CCSER1: variants seen among roughly 807,000 people sequenced by gnomAD.
CCSER1 encodes coiled-coil serine rich protein 1, also known as serine-rich coiled-coil domain-containing protein 1.
Under a neutral mutation model 82.0 loss-of-function variants are expected in CCSER1, and 41 were observed. The observed-to-expected ratio is 0.50, with a 90% confidence interval of 0.39 to 0.65. CCSER1 has a LOEUF of 0.65. Among genes scored for constraint, CCSER1 ranks in the 30% least tolerant of loss-of-function variants. The probability of loss-of-function intolerance (pLI) is 0.00; values close to 1 mark genes in which losing one functional copy is unlikely to be tolerated. For missense variants in CCSER1, 1,119 were observed against 1,064.2 expected, an observed-to-expected ratio of 1.05 and a Z score of -0.72; for synonymous variants, 414 against 383.9, an observed-to-expected ratio of 1.08 and a Z score of -0.92.
At chr4:90,310,817 G>A (rs1300295730) in intron 2 of CCSER1, among the ~76,000 whole-genome samples, 1 of 152,016 alleles carries the variant, frequency 6.6e-6, no homozygotes, top group Non-Finnish European at 1.5e-5. Context: ...GGATTATAAA[G>A]TTTATCCATA....
chr4:90,609,659 T>G (rs971365640), intron 5 of CCSER1, among the ~76,000 whole-genome samples: 4 of 152,182 alleles, frequency 2.6e-5, no homozygotes, highest in African/African-American at 7.2e-5. Flanking sequence ...CCAATTGAGA[T>G]ATTCATTAGG....
At chr4:90,371,901 AG>A (rs1450869573) in intron 3 of CCSER1, among the ~76,000 whole-genome samples, 1 of 152,216 alleles carries the variant, frequency 6.6e-6, no homozygotes, top group East Asian at 1.9e-4. Context: ...TAATTAATTT[AG>A]AACACTAATG....
At chr4:91,572,809 T>TAAA (rs568857955) in intron 10 of CCSER1, among the ~76,000 whole-genome samples, 1 of 115,482 alleles carries the variant, frequency 8.7e-6, no homozygotes, top group African/African-American at 3.2e-5. Context: ...TAAAAATCTA[T>TAAA]AAAAAAAAAA....
intron 8 of CCSER1, among the ~76,000 whole-genome samples, chr4:90,826,744 A>G (rs1760516084): frequency 6.6e-6 from 1 of 152,308 alleles, no homozygotes; most frequent in Admixed American, 6.5e-5. Context: ...AGATTTATAA[A>G]TTACAGAGAG....
In CCSER1 at chr4:90,304,583, A is replaced by G. The variant is rs892779166; in HGVS notation, c.-41-3661A>G. 6.6e-5 allele frequency among the ~76,000 whole-genome samples: 10 copies of G among 152,048 alleles called. No homozygotes were observed. The East Asian group carries it at 1.5e-3, about 24-fold the overall frequency. ...CAACACTGCATATTCTCACTCATAG[A>G]TGGGAATTGAACAATGAGAACACAT... On this transcript the variant is annotated intron_variant, in intron 1 of 10. Coordinates refer to ENST00000509176, the MANE Select transcript of CCSER1 (RefSeq NM_001145065.2).
chr4:90,134,599 A>T (rs1723347540), intron 1 of CCSER1, among the ~76,000 whole-genome samples: 1 of 152,254 alleles, frequency 6.6e-6, no homozygotes, highest in African/African-American at 2.4e-5. Flanking sequence ...GACATTAGAT[A>T]TTCCACTTCA....
At chr4:91,482,450 GC>G (rs1211571565) in intron 10 of CCSER1, among the ~76,000 whole-genome samples, 10 of 150,286 alleles carry the variant, frequency 6.7e-5, no homozygotes, top group Admixed American at 1.3e-4. Context: ...AACAACAGGT[GC>G]TGGAGAGGAT....
At chr4:90,138,931 A>G (rs1246420823) in intron 1 of CCSER1, among the ~76,000 whole-genome samples, 2 of 152,198 alleles carry the variant, frequency 1.3e-5, no homozygotes, top group African/African-American at 2.4e-5. Context: ...TCTTTCATTC[A>G]GTAAACAAAT....
intron 10 of CCSER1, among the ~76,000 whole-genome samples, chr4:91,597,603 AATTAGT>A (rs1764645205): frequency 6.6e-6 from 1 of 152,210 alleles, no homozygotes; most frequent in African/African-American, 2.4e-5. Flanking sequence ...TATTATGCCA[AATTAGT>A]AATATTAATA....
chr4:91,351,001 G>A (rs1241484253), intron 10 of CCSER1, among the ~76,000 whole-genome samples: 1 of 151,814 alleles, frequency 6.6e-6, no homozygotes, highest in African/African-American at 2.4e-5. Flanking sequence ...TTTAATTTGG[G>A]TCTTACATGC....
At chr4:90,754,825 A>C (rs139486261) in intron 7 of CCSER1, among the ~76,000 whole-genome samples, 1 of 152,308 alleles carries the variant, frequency 6.6e-6, no homozygotes, top group East Asian at 1.9e-4. Context: ...ACCCTATTGA[A>C]TTTAATCTTA....
At chr4:90,219,970 A>C (rs1351190276) in intron 1 of CCSER1, among the ~76,000 whole-genome samples, 1 of 152,200 alleles carries the variant, frequency 6.6e-6, no homozygotes, top group Admixed American at 6.5e-5. Flanking sequence ...TACTAAGACC[A>C]TGTACAGTAG....
At chr4:90,128,285 G>A (rs1425010641) in intron 1 of CCSER1, among the ~76,000 whole-genome samples, 2 of 152,042 alleles carry the variant, frequency 1.3e-5, no homozygotes, top group Non-Finnish European at 2.9e-5. Context: ...GCGGCGAAGA[G>A]GGGGAAGGGG....
chr4:90,168,757 G>C (rs1030688168), intron 1 of CCSER1, among the ~76,000 whole-genome samples: 15 of 143,162 alleles, frequency 1.0e-4, no homozygotes, highest in East Asian at 2.4e-4. Context: ...TCTTGTTTTT[G>C]TCAGGTTTGT....
intron 3 of CCSER1, among the ~76,000 whole-genome samples, chr4:90,384,304 T>C (rs1749680616): frequency 9.3e-6 from 1 of 107,518 alleles, no homozygotes; most frequent in Non-Finnish European, 1.7e-5. Context: ...CCCCACCCTT[T>C]GTAGGGACAT....
intron 1 of CCSER1, chr4:90,235,074 G>A (rs998468097): frequency 6.6e-6 from 1 of 152,066 alleles, no homozygotes; most frequent in Non-Finnish European, 1.5e-5. Context: ...GGTGCAGGGA[G>A]CTAATGTATA....
chr4:90,865,281 A>G (rs1247194659), intron 8 of CCSER1, among the ~76,000 whole-genome samples: 1 of 152,064 alleles, frequency 6.6e-6, no homozygotes, highest in Admixed American at 6.6e-5. Context: ...AGTCATGAAT[A>G]AGGATCAAGA....
chr4:90,189,811 A>G (rs150919430), intron 1 of CCSER1, among the ~76,000 whole-genome samples: 1 of 152,110 alleles, frequency 6.6e-6, no homozygotes, highest in Non-Finnish European at 1.5e-5. Context: ...CAGAAAAGCT[A>G]TGTGTGTCTG....
At chr4:90,611,059 CTTTTT>C (rs201354908) in intron 5 of CCSER1, among the ~76,000 whole-genome samples, 1 of 93,808 alleles carries the variant, frequency 1.1e-5, no homozygotes, top group Admixed American at 1.2e-4. Flanking sequence ...CTTTTCTTTT[CTTTTT>C]TTTTTTTTTT....
Sources: gnomAD v4.1 joint callset for allele counts (sites outside exome capture counted in the v4.1 genomes callset) on GRCh38, gnomAD v4.1.1 for gene constraint, MANE v1.5 for transcripts, NCBI Gene and HGNC (gene_info 2026-07-23, HGNC 2026-07-21) for gene names.